AGBL4: variants seen among roughly 807,000 people sequenced by gnomAD.
The protein encoded by AGBL4 is AGBL carboxypeptidase 4.
Under a neutral mutation model 66.4 loss-of-function variants are expected in AGBL4, and 58 were observed. The ratio of observed to expected loss-of-function variants is 0.87; its 90% CI spans 0.71 to 1.09. The LOEUF (loss-of-function observed/expected upper bound fraction) is 1.09, where lower values mean the gene tolerates loss of function less well. Ranked by LOEUF, AGBL4 falls within the 50% of genes least tolerant of loss-of-function variation. The probability of loss-of-function intolerance (pLI) is 0.00; values close to 1 mark genes in which losing one functional copy is unlikely to be tolerated. For missense variants in AGBL4, 579 were observed against 631.0 expected (o/e 0.92, Z 0.88); for synonymous variants, 234 against 222.9 (o/e 1.05, Z -0.44).
chr1:49,752,477 C>A (rs577404656), intron 2 of AGBL4, among the ~76,000 whole-genome samples: 132 of 152,012 alleles, frequency 8.7e-4, no homozygotes, highest in African/African-American at 3.1e-3. Context: ...ACTGAGGAGT[C>A]TGTTACTCCT....
At chr1:49,923,119 C>CA (rs1387286390) in intron 1 of AGBL4, among the ~76,000 whole-genome samples, 1 of 152,080 alleles carries the variant, frequency 6.6e-6, no homozygotes, top group Non-Finnish European at 1.5e-5. Flanking sequence ...CAAAAACAGA[C>CA]ACATAGTCCA....
intron 5 of AGBL4, among the ~76,000 whole-genome samples, chr1:49,016,504 G>C (rs368085685): frequency 6.6e-6 from 1 of 152,146 alleles, no homozygotes; most frequent in African/African-American, 2.4e-5. Flanking sequence ...GAGAGTGCCG[G>C]AGTTTTGACA....
At chr1:49,221,634 G>A (rs1296705894) in intron 4 of AGBL4, among the ~76,000 whole-genome samples, 2 of 152,038 alleles carry the variant, frequency 1.3e-5, no homozygotes, top group African/African-American at 4.8e-5. Context: ...ATGATCCTCA[G>A]AGAAACCTTG....
intron 4 of AGBL4, among the ~76,000 whole-genome samples, chr1:49,107,690 TGTGTGA>T (rs1311152719): frequency 1.5e-3 from 157 of 107,138 alleles, no homozygotes; most frequent in African/African-American, 4.7e-3. Flanking sequence ...TGTGTGTGTG[TGTGTGA>T]GAGAGAGAGA....
At chr1:49,953,002 C>G (rs1656292927) in intron 1 of AGBL4, among the ~76,000 whole-genome samples, 1 of 151,886 alleles carries the variant, frequency 6.6e-6, no homozygotes, top group East Asian at 1.9e-4. Context: ...ATGAGTAGTA[C>G]AGAATTATGG....
In AGBL4 at chr1:48,539,769, GA is replaced by G. The variant is rs1644034506; in HGVS notation, c.1268-32del. ...GGTGTGTGCATTAAGGAGCAACTTCGAAAACAGATTGAGACAGAGTGAAAAG... is the reference window on the plus strand; with the variant it reads ...GGTGTGTGCATTAAGGAGCAACTTCGAAACAGATTGAGACAGAGTGAAAAG... On this transcript the variant is annotated intron_variant, in intron 11 of 13. Coordinates refer to ENST00000371839, the MANE Select transcript of AGBL4 (RefSeq NM_032785.4). The G allele has an allele frequency of 2.1e-6, 3 of 1,417,294 alleles. No individual in the cohort carries two copies. In the African/African-American group the frequency reaches 4.4e-5, roughly 21 times the overall value. The allele number at this position is 1,417,294 out of a possible 1,614,324, so 87.8% of individuals were successfully genotyped here. A position where few individuals can be genotyped will look rare whatever the true frequency, so the allele number is the denominator to read the frequency against.
chr1:48,695,253 A>G (rs987937574), intron 6 of AGBL4, among the ~76,000 whole-genome samples: 5 of 152,210 alleles, frequency 3.3e-5, no homozygotes, highest in African/African-American at 1.2e-4. Context: ...CTAGTTCCCC[A>G]GCTGGTGAAA....
At chr1:48,723,042 G>A (rs1044449886) in intron 6 of AGBL4, among the ~76,000 whole-genome samples, 1 of 152,198 alleles carries the variant, frequency 6.6e-6, no homozygotes, top group Non-Finnish European at 1.5e-5. Flanking sequence ...CACACACCAA[G>A]TGGAAGAAAC....
At chr1:48,848,569 A>AT (rs965756373) in intron 6 of AGBL4, among the ~76,000 whole-genome samples, 15 of 151,630 alleles carry the variant, frequency 9.9e-5, no homozygotes, top group Admixed American at 3.3e-4. Context: ...ATAATACAAC[A>AT]TTTTTTTTTC....
intron 11 of AGBL4, among the ~76,000 whole-genome samples, chr1:48,549,614 TAC>T (rs1644219807): frequency 6.6e-6 from 1 of 150,586 alleles, no homozygotes; most frequent in African/African-American, 2.5e-5. Flanking sequence ...GACAGGAAAA[TAC>T]AGAGAAACTG....
At chr1:48,988,413 G>A (rs895849421) in intron 5 of AGBL4, among the ~76,000 whole-genome samples, 8 of 152,112 alleles carry the variant, frequency 5.3e-5, no homozygotes, top group Admixed American at 3.9e-4. Context: ...TTTCATGTAC[G>A]TATGCAGACT....
At chr1:49,302,831 C>A (rs919154829) in intron 3 of AGBL4, among the ~76,000 whole-genome samples, 1 of 151,778 alleles carries the variant, frequency 6.6e-6, no homozygotes, top group South Asian at 2.1e-4. Context: ...TGCCCCCTGA[C>A]AGGCCTCAGT....
chr1:49,776,321 A>G (rs1011198182), intron 2 of AGBL4, among the ~76,000 whole-genome samples: 2 of 152,108 alleles, frequency 1.3e-5, no homozygotes, highest in African/African-American at 4.8e-5. Flanking sequence ...AGTCTTAAAA[A>G]TTCTTCCAAT....
At chr1:48,782,585 C>G (rs748284299) in intron 6 of AGBL4, among the ~76,000 whole-genome samples, 2 of 152,050 alleles carry the variant, frequency 1.3e-5, no homozygotes, top group Non-Finnish European at 2.9e-5. Context: ...CTTTTCAAGT[C>G]TCTGCTTTTT....
At chr1:49,234,887 C>T (rs1178254150) in intron 4 of AGBL4, among the ~76,000 whole-genome samples, 1 of 152,168 alleles carries the variant, frequency 6.6e-6, no homozygotes. Context: ...GGCTCTGCCC[C>T]TGACTAGCTG....
chr1:49,347,252 CTTTTT>C (rs35313917), intron 3 of AGBL4, among the ~76,000 whole-genome samples: 3 of 115,860 alleles, frequency 2.6e-5, no homozygotes, highest in African/African-American at 3.1e-5. Flanking sequence ...TTCTTTCTTT[CTTTTT>C]TTTTTTTTTT....
At chr1:49,261,378 T>A (rs900115547) in intron 3 of AGBL4, among the ~76,000 whole-genome samples, 1 of 152,184 alleles carries the variant, frequency 6.6e-6, no homozygotes, top group Non-Finnish European at 1.5e-5. Flanking sequence ...TGTCCCTGTT[T>A]GCAGACGACA....
chr1:49,535,355 G>A (rs949931577), intron 3 of AGBL4, among the ~76,000 whole-genome samples: 6 of 146,968 alleles, frequency 4.1e-5, no homozygotes, highest in African/African-American at 9.9e-5. Flanking sequence ...ATAATAATAT[G>A]TTATATTATT....
chr1:48,655,094 A>G (rs1302160477), intron 7 of AGBL4, among the ~76,000 whole-genome samples: 1 of 152,182 alleles, frequency 6.6e-6, no homozygotes, highest in African/African-American at 2.4e-5. Context: ...ATCCTCCTTC[A>G]CAGATGAGCA....
Sources: allele counts gnomAD v4.1 joint callset (sites outside exome capture counted in the v4.1 genomes callset), GRCh38; gene constraint gnomAD v4.1.1; transcripts MANE v1.5; gene names NCBI Gene and HGNC (gene_info 2026-07-23, HGNC 2026-07-21).